UBR2: variants seen among roughly 807,000 people sequenced by gnomAD.
The protein encoded by UBR2 is ubiquitin protein ligase E3 component n-recognin 2, also known as E3 ubiquitin-protein ligase UBR2.
A neutral mutation model predicts 247.9 loss-of-function variants in UBR2; 92 were observed. That is an observed-to-expected ratio of 0.37 (90% CI 0.31 to 0.44). UBR2 has a LOEUF of 0.44. Among genes scored for constraint, UBR2 ranks in the 20% least tolerant of loss-of-function variants. UBR2 has a pLI of 1.00. For missense variants in UBR2, 1,613 were observed against 2,112.6 expected (o/e 0.76, Z 4.64); for synonymous variants, 672 against 693.5 (o/e 0.97, Z 0.49).
chr6:42,632,720 GT>G lies in UBR2; in HGVS notation c.1445+9del. On this transcript the variant is annotated splice_donor_region_variant and intron_variant, in intron 12 of 46. Transcript: ENST00000372901. ...GAGCCTTATTTTAGATCTCAAGTAA[GT>G]TTTCATTTAATTATTAAACCAGTTG... is the stretch of plus-strand genomic sequence containing the variant. The G allele has an allele frequency of 2.5e-6, 4 of 1,589,936 alleles. No individual in the cohort carries two copies. Among genetic ancestry groups the G allele is most frequent in the East Asian group, 2.2e-5 (1 of 44,584 alleles).
chr6:42,685,087 G>A (rs948119202), intron 44 of UBR2, among the ~76,000 whole-genome samples: 2 of 152,300 alleles, frequency 1.3e-5, no homozygotes, highest in Non-Finnish European at 2.9e-5. Context: ...GCCGAGGTGG[G>A]TGGATCACCT....
intron 42 of UBR2, 108 bp from the exon 43 acceptor site, chr6:42,682,947 G>GT: frequency 1.1e-6 from 1 of 876,822 alleles, no homozygotes; most frequent in Admixed American, 2.8e-5. Flanking sequence ...AAGTAAATAT[G>GT]TTAGGTCAAG....
Position 42,663,269 on chromosome 6 carries a change from C to T in UBR2, c.3548C>T (p.Ser1183Phe). 6.2e-7 allele frequency: 1 copy of T among 1,600,394 alleles called. No homozygotes were observed. The highest frequency in any genetic ancestry group is 8.5e-7 in the Non-Finnish European group (1 of 1,174,162). The change falls in exon 32 of 47, where the codon TCC becomes TTC. Residue 1183 changes from serine (S) to phenylalanine (F), a missense_variant. Coordinates refer to ENST00000372901, the MANE Select transcript of UBR2 (RefSeq NM_001363705.2). ...CTCTAATTGTAAAGGTATTTTGATT[C>T]CGTTCAAGCTAAAGAACAGCGAAGG... Reference protein sequence around the residue: ...HAHCWQRYFDSVQAKEQRRQQ... With the variant: ...HAHCWQRYFDFVQAKEQRRQQ...
intron 11 of UBR2, among the ~76,000 whole-genome samples, chr6:42,625,961 C>T (rs1052243701): frequency 7.3e-5 from 11 of 151,642 alleles, no homozygotes; most frequent in African/African-American, 1.9e-4. Flanking sequence ...CTACAGGCAC[C>T]CGCCACCATG....
intron 7 of UBR2, among the ~76,000 whole-genome samples, chr6:42,608,535 T>C (rs190063441): frequency 6.6e-5 from 10 of 152,112 alleles, no homozygotes; most frequent in African/African-American, 1.9e-4. Flanking sequence ...GAGGCTGAGG[T>C]AGAAGGATTG....
chr6:42,581,141 A>C (rs1262650113), intron 2 of UBR2, among the ~76,000 whole-genome samples: 1 of 149,510 alleles, frequency 6.7e-6, no homozygotes, highest in Non-Finnish European at 1.5e-5. Flanking sequence ...AGCCTCCCAA[A>C]TAGCTAGGAT....
intron 21 of UBR2, among the ~76,000 whole-genome samples, chr6:42,646,119 T>C (rs1038103478): frequency 3.3e-5 from 5 of 152,216 alleles, no homozygotes; most frequent in Non-Finnish European, 7.3e-5. Flanking sequence ...CAACTGTTTT[T>C]CCTTCCAGGG....
At chr6:42,673,725 CTAGCATTCCTG>C in intron 36 of UBR2, 55 bp from the exon 37 acceptor site, 2 of 1,173,774 alleles carry the variant, frequency 1.7e-6, no homozygotes. Context: ...GTGCTCTGAA[CTAGCATTCCTG>C]AAAGAGAACT....
chr6:42,640,771 C>A (rs1389102583), intron 16 of UBR2, among the ~76,000 whole-genome samples: 2 of 151,686 alleles, frequency 1.3e-5, no homozygotes, highest in African/African-American at 4.8e-5. Flanking sequence ...ACTCTGTCAC[C>A]CAGGCTGGAA....
At chr6:42,642,330 G>GT in intron 17 of UBR2, 86 bp from the exon 18 acceptor site, 1 of 880,580 alleles carries the variant, frequency 1.1e-6, no homozygotes, top group Non-Finnish European at 1.8e-6. Flanking sequence ...ACACATTCTT[G>GT]TACAAACTTG....
chr6:42,614,192 AAAAAAAAAAAAAAC>A lies in UBR2; in HGVS notation c.986-878_986-865del, dbSNP rs1184805946. Among the ~76,000 whole-genome samples the A allele has an allele frequency of 5.8e-3, 244 of 41,802 alleles. 11 individuals carry two copies. Among genetic ancestry groups the A allele is most frequent in the Middle Eastern group, 0.044 (4 of 90 alleles). 27.4% of individuals were successfully genotyped at this position (41,802 alleles called of 152,430 possible). Reference sequence around the variant, plus strand: ...ACTCTGTCTCCAAAAAAAAAAAAAAAAAAAAAAAAAAAACTATATATATATACACACACACACAC... The same window carrying A: ...ACTCTGTCTCCAAAAAAAAAAAAAAATATATATATATACACACACACACAC... On this transcript the variant is annotated intron_variant, in intron 8 of 46. Transcript: ENST00000372901.
chr6:42,622,018 T>C (rs1210835103), intron 11 of UBR2, among the ~76,000 whole-genome samples: 1 of 152,096 alleles, frequency 6.6e-6, no homozygotes, highest in Non-Finnish European at 1.5e-5. Context: ...TTCCCACTCT[T>C]CTTTTTTTTC....
rs756541059 is a variant in UBR2, at chr6:42,670,175, A to G, written c.3965A>G (p.Asn1322Ser). The G allele has an allele frequency of 2.7e-5, 43 of 1,614,058 alleles. No individual in the cohort carries two copies. Among genetic ancestry groups the G allele is most frequent in the South Asian group, 5.5e-5 (5 of 91,086 alleles). Residue 1322 changes from asparagine (N) to serine (S), a missense_variant, in exon 35 of 47, where the codon AAT becomes AGT. This residue lies in a region of UBR2 where 1,524 missense variants were observed against 1,967.3 expected (regional missense o/e 0.77). Transcript: ENST00000372901. ...TYKVGLKVHPNEEDPRVPIMC... is the reference protein window; with the variant it reads ...TYKVGLKVHPSEEDPRVPIMC... ...AAGGTGGGACTAAAGGTTCATCCCAATGAAGAGGATCCTCGTGTTCCCATA... is the reference window on the plus strand; with the variant it reads ...AAGGTGGGACTAAAGGTTCATCCCAGTGAAGAGGATCCTCGTGTTCCCATA...
At chr6:42,617,379 A>C in intron 10 of UBR2, 30 bp from the exon 11 acceptor site, 1 of 1,613,216 alleles carries the variant, frequency 6.2e-7, no homozygotes, top group Non-Finnish European at 8.5e-7. Context: ...GATAGCTGGC[A>C]CTCCTTGCCT....
chr6:42,590,202 G>T (rs1018600166), intron 2 of UBR2, among the ~76,000 whole-genome samples: 1 of 152,094 alleles, frequency 6.6e-6, no homozygotes, highest in Non-Finnish European at 1.5e-5. Flanking sequence ...TAATACAAGG[G>T]TATATGATTG....
At chr6:42,642,265 A>T (rs1245403708) in intron 17 of UBR2, 151 bp from the exon 18 acceptor site, 2 of 621,972 alleles carry the variant, frequency 3.2e-6, no homozygotes, top group East Asian at 5.8e-5. Flanking sequence ...TCTGTAATTA[A>T]TTAATCTTTA....
chr6:42,639,312 G>A (rs1212748213), intron 15 of UBR2, among the ~76,000 whole-genome samples: 1 of 152,206 alleles, frequency 6.6e-6, no homozygotes, highest in African/African-American at 2.4e-5. Flanking sequence ...TGAACTGAAG[G>A]CTGGGCGTGG....
intron 1 of UBR2, among the ~76,000 whole-genome samples, chr6:42,573,159 TAGAG>T (rs145724262): frequency 0.022 from 3,359 of 152,094 alleles, 116 homozygotes; most frequent in African/African-American, 0.076. Context: ...AAAGGCCTTA[TAGAG>T]AGAGAGAAGT....
Position 42,637,061 on chromosome 6 carries a change from G to A in UBR2, c.1725G>A (p.Gln575=). Residue 575 remains glutamine, a synonymous_variant, in exon 15 of 47, where the codon CAG becomes CAA. Transcript: ENST00000372901. ...AYKKCLAVLM[Q]CHGGYTDGEQ... Reference sequence around the variant, plus strand: ...AGAAATGTCTCGCTGTACTGATGCAGTGTCATGGTGGTTATACTGATGGTG... The same window carrying A: ...AGAAATGTCTCGCTGTACTGATGCAATGTCATGGTGGTTATACTGATGGTG... 1 of 1,614,070 alleles carries A rather than the reference G, an allele frequency of 6.2e-7. No individual in the cohort carries two copies. The highest frequency in any genetic ancestry group is 1.7e-5 in the Admixed American group (1 of 60,018).
Sources: gnomAD v4.1 joint callset for allele counts (sites outside exome capture counted in the v4.1 genomes callset) on GRCh38, gnomAD v4.1.1 for gene constraint, gnomAD v4.1.1 regional missense constraint, MANE v1.5 for transcripts, NCBI Gene and HGNC (gene_info 2026-07-23, HGNC 2026-07-21) for gene names.